The following MOGS variants were observed in gnomAD, a reference collection of about 807,000 sequenced individuals.
The protein encoded by MOGS is mannosyl-oligosaccharide glucosidase, also known as epididymis secretory sperm binding protein.
In MOGS, 45 loss-of-function variants were observed where a neutral mutation model predicts 68.5. The observed-to-expected ratio is 0.66, with a 90% CI of 0.52 to 0.84. The LOEUF (loss-of-function observed/expected upper bound fraction) is 0.84. MOGS is among the 40% of genes least tolerant of loss of function. MOGS has a pLI of 0.00. For missense variants in MOGS, 1,020 were observed against 1,095.0 expected (o/e 0.93, Z 0.97); for synonymous variants, 492 against 461.2 (o/e 1.07, Z -0.86).
In MOGS at chr2:74,462,578, T is replaced by C. The variant is rs1393756796; in HGVS notation, c.1211A>G (p.Tyr404Cys). Reference protein sequence around the residue: ...ALSGLLGGIGYFYGQGLVLPD... With the variant: ...ALSGLLGGIGCFYGQGLVLPD... ...CAATACCAGCCCTTGTCCGTAGAAG[T>C]AGCCAATTCCACCAAGGAGGCCGCT... Residue 404 changes from tyrosine to cysteine, a missense_variant, in exon 4 of 4, where the codon TAC becomes TGC. Tyr to Cys is a radical substitution (Grantham distance 194, BLOSUM62 -2). Coordinates refer to ENST00000448666, the MANE Select transcript of MOGS (RefSeq NM_006302.3). 2.5e-6 allele frequency: 4 copies of C among 1,613,580 alleles called. No individual in the cohort carries two copies. Among genetic ancestry groups the C allele is most frequent in the Admixed American group, 1.7e-5 (1 of 59,976 alleles).
Position 74,462,153 on chromosome 2 carries a change from A to G in MOGS, c.1636T>C (p.Ser546Pro). Residue 546 changes from serine (S) to proline (P), a missense_variant, in exon 4 of 4, where the codon TCC (serine) becomes CCC (proline). Coordinates refer to ENST00000448666, the MANE Select transcript of MOGS (RefSeq NM_006302.3). Reference protein sequence around the residue: ...KALPRLHAWFSWLHQSQAGPL... With the variant: ...KALPRLHAWFPWLHQSQAGPL... The stretch of plus-strand genomic sequence containing the variant: ...CCTGCCTGGCTCTGATGGAGCCAGG[A>G]AAACCAGGCATGCAGGCGGGGCAAG... 6.2e-7 allele frequency: 1 copy of G among 1,614,108 alleles called. No homozygotes were observed. Among genetic ancestry groups the G allele is most frequent in the Non-Finnish European group, 8.5e-7 (1 of 1,179,936 alleles).
At position 74,461,690 on chromosome 2, in the gene MOGS, C is replaced by T. The variant is rs771226355; in HGVS notation, c.2099G>A (p.Arg700Gln). The change falls in exon 4 of 4, where the codon CGA becomes CAA. Residue 700 changes from arginine to glutamine, a missense_variant. Transcript: ENST00000448666. ...GCGGGATGAGGTGGGGTCCAGCAGT[C>T]GCAGCAGCAAGGGAAAAAGACTGAC... The part of the protein sequence containing the change: ...GYVSLFPLLL[R>Q]LLDPTSSRLG... The T allele has an allele frequency of 1.5e-5, 24 of 1,614,180 alleles. No homozygotes were observed. The highest frequency in any genetic ancestry group is 2.2e-5 in the East Asian group (1 of 44,888).
At position 74,461,121 on chromosome 2, in the gene MOGS, G is replaced by T; in HGVS notation, c.*154C>A. 1.2e-6 allele frequency: 1 copy of T among 819,804 alleles called. No homozygotes were observed. The allele number at this position is 819,804 out of a possible 1,614,324, so 50.8% of individuals were successfully genotyped here. ...AGACTCTGGATTCACATTCACCCCA[G>T]GGCTATGTGGGATGACAGCAAGGAG... is the stretch of plus-strand genomic sequence containing the variant. On this transcript the variant is annotated 3_prime_UTR_variant, in exon 4 of 4. Transcript: ENST00000448666.
chr2:74,465,224 GCGC>G lies in MOGS; in HGVS notation c.21_23del (p.Arg9del). The G allele has an allele frequency of 6.9e-7, 1 of 1,450,206 alleles. No individual in the cohort carries two copies. Among genetic ancestry groups the G allele is most frequent in the South Asian group, 1.5e-5 (1 of 67,558 alleles). 89.8% of individuals were successfully genotyped at this position (1,450,206 alleles called of 1,614,324 possible). A position where few individuals can be genotyped will look rare whatever the true frequency, so the allele number is the denominator to read the frequency against. The stretch of plus-strand genomic sequence containing the variant: ...GCACTCCCTCTGCCGGCACTGCGCG[GCGC>G]CGCCGCTCGCCCCGAGCCATCCTGG... On this transcript the variant is annotated inframe_deletion, in exon 1 of 4. Coordinates refer to ENST00000448666, the MANE Select transcript of MOGS (RefSeq NM_006302.3).
Position 74,465,257 on chromosome 2 carries a change from G to T in MOGS, c.-10C>A. 7.0e-7 allele frequency: 1 copy of T among 1,430,742 alleles called. No homozygotes were observed. The allele number at this position is 1,430,742 out of a possible 1,614,324, so 88.6% of individuals were successfully genotyped here. ...GCTCGCCCCGAGCCATCCTGGCACT[G>T]AGGTCCGCGTCACAAGAGCTCGGAG... On this transcript the variant is annotated 5_prime_UTR_variant, in exon 1 of 4. Transcript: ENST00000448666.
Position 74,462,683 on chromosome 2 carries a change from C to T in MOGS, c.1106G>A (p.Arg369Lys). The T allele has an allele frequency of 6.2e-7, 1 of 1,614,248 alleles. No homozygotes were observed. Residue 369 changes from arginine (R) to lysine (K), a missense_variant, in exon 4 of 4, where the codon AGA becomes AAA. By Grantham distance (26) the Arg-to-Lys change is conservative. Transcript: ENST00000448666. ...QALESHAEGF[R>K]ERFEKTFQLK... is the part of the protein sequence containing the mutation. ...CTGGAAGGTCTTCTCAAAGCGCTCTCTAAAGCCTTCAGCATGGCTCTCCAG... is the reference window on the plus strand; with the variant it reads ...CTGGAAGGTCTTCTCAAAGCGCTCTTTAAAGCCTTCAGCATGGCTCTCCAG...
chr2:74,462,280 T>C lies in MOGS; in HGVS notation c.1509A>G (p.Leu503=). The change falls in exon 4 of 4, where the codon CTA becomes CTG. Residue 503 remains leucine (L), a synonymous_variant. Transcript: ENST00000448666. The part of the protein sequence containing the change: ...EARARVPPEF[L]VQRAVHANPP... The stretch of plus-strand genomic sequence containing the variant: ...GGTTGGCGTGGACTGCTCGTTGTAC[T>C]AGGAATTCTGGAGGCACCCGGGCTC... 1.2e-6 allele frequency: 2 copies of C among 1,613,886 alleles called. No individual in the cohort carries two copies. Among genetic ancestry groups the C allele is most frequent in the Non-Finnish European group, 1.7e-6 (2 of 1,179,992 alleles).
At chr2:74,464,364 T>C (rs758529609) in intron 2 of MOGS, 132 bp downstream of exon 2, 29 of 741,118 alleles carry the variant, frequency 3.9e-5, no homozygotes, top group Non-Finnish European at 6.3e-5. Context: ...TAAATAGAAA[T>C]GGTTATACAG....
Position 74,461,346 on chromosome 2 carries a change from G to A in MOGS, c.2443C>T (p.Arg815Ter), listed in dbSNP as rs748007212. Residue 815 changes from arginine to a stop codon, truncating the protein, a stop_gained, in exon 4 of 4, where the codon CGA (arginine) becomes TGA (stop). Transcript: ENST00000448666. LOFTEE classifies it high-confidence loss of function. The part of the protein sequence containing the change: ...LWEQYSDRDG[R>*]GMGCRPFHGW... ...TGGAAAGGGCGGCAGCCCATGCCTC[G>A]CCCATCGCGGTCACTGTACTGCTCC... 6.2e-6 allele frequency: 10 copies of A among 1,614,102 alleles called. No individual in the cohort carries two copies. Among genetic ancestry groups the A allele is most frequent in the East Asian group, 2.2e-5 (1 of 44,888 alleles).
chr2:74,463,491 GGTAAT>G (rs1671987027), intron 2 of MOGS, 105 bp from the exon 3 acceptor site: 3 of 1,221,492 alleles, frequency 2.5e-6, no homozygotes, highest in African/African-American at 1.5e-5. Flanking sequence ...AGTAGGCAGG[GGTAAT>G]GTAAACAACA....
Position 74,465,187 on chromosome 2 carries a change from T to G in MOGS, c.61A>C (p.Arg21=). Residue 21 remains arginine, a synonymous_variant, in exon 1 of 4, where the codon AGG becomes CGG. Transcript: ENST00000448666. ...VPAEGVRTAE[R]AARGGPGRRD... is the part of the protein sequence containing the mutation. ...CGCCCGGGGCCTCCCCGAGCCGCCC[T>G]CTCGGCTGTCCGCACTCCCTCTGCC... is the stretch of plus-strand genomic sequence containing the variant. The G allele has an allele frequency of 6.5e-7, 1 of 1,535,030 alleles. No individual in the cohort carries two copies. The highest frequency in any genetic ancestry group is 8.7e-7 in the Non-Finnish European group (1 of 1,149,504).
Position 74,461,879 on chromosome 2 carries a change from G to A in MOGS, c.1910C>T (p.Ala637Val). Residue 637 changes from alanine (A) to valine (V), a missense_variant, in exon 4 of 4, where the codon GCA becomes GTA. By Grantham distance (64) the Ala-to-Val change is moderately conservative. This residue lies in a region of MOGS where 270 missense variants were observed against 261.3 expected (regional missense o/e 1.03). Coordinates refer to ENST00000448666, the MANE Select transcript of MOGS (RefSeq NM_006302.3). ...CCAGTGCAGCTCATCCAGGCTCTCT[G>A]CTGCCTCCAGTGAGGCAGCCAGTGG... is the stretch of plus-strand genomic sequence containing the variant. ...LGPLAASLEA[A>V]ESLDELHWAP... 6.2e-7 allele frequency: 1 copy of A among 1,614,014 alleles called. No homozygotes were observed. The highest frequency in any genetic ancestry group is 8.5e-7 in the Non-Finnish European group (1 of 1,180,024).
chr2:74,461,374 A>G lies in MOGS; in HGVS notation c.2415T>C (p.Leu805=), dbSNP rs1265204379. 1 of 1,614,152 alleles carries G rather than the reference A, an allele frequency of 6.2e-7. No individual in the cohort carries two copies. Among genetic ancestry groups the G allele is most frequent in the Non-Finnish European group, 8.5e-7 (1 of 1,180,040 alleles). The stretch of plus-strand genomic sequence containing the variant: ...CATCGCGGTCACTGTACTGCTCCCA[A>G]AGAAAGCCTGTAGCCTGGTACTGGC... ...VWRQYQATGF[L]WEQYSDRDGR... is the part of the protein sequence containing the mutation. The change falls in exon 4 of 4, where the codon CTT becomes CTC. Residue 805 remains leucine (L), a synonymous_variant. Coordinates refer to ENST00000448666, the MANE Select transcript of MOGS (RefSeq NM_006302.3).
chr2:74,462,709 G>T lies in MOGS; in HGVS notation c.1080C>A (p.Ala360=). The T allele has an allele frequency of 1.9e-6, 3 of 1,614,234 alleles. No homozygotes were observed. The highest frequency in any genetic ancestry group is 2.5e-6 in the Non-Finnish European group (3 of 1,180,046). ...PRLAGSLLTQ[A]LESHAEGFRE... Reference sequence around the variant, plus strand: ...TAAAGCCTTCAGCATGGCTCTCCAGGGCCTGGGTCAGTAGACTGCCTGCCA... The same window carrying T: ...TAAAGCCTTCAGCATGGCTCTCCAGTGCCTGGGTCAGTAGACTGCCTGCCA... Residue 360 remains alanine (A), a synonymous_variant, in exon 4 of 4, where the codon GCC becomes GCA. Coordinates refer to ENST00000448666, the MANE Select transcript of MOGS (RefSeq NM_006302.3).
Position 74,462,681 on chromosome 2 carries a change from C to T in MOGS, c.1108G>A (p.Glu370Lys). Residue 370 changes from glutamate to lysine, a missense_variant, in exon 4 of 4, where the codon GAG becomes AAG. Physicochemically the swap from Glu to Lys is moderately conservative, Grantham distance 56 (BLOSUM62 1). This residue lies in a region of MOGS where 569 missense variants were observed against 571.9 expected (regional missense o/e 0.99). Coordinates refer to ENST00000448666, the MANE Select transcript of MOGS (RefSeq NM_006302.3). ...AGCTGGAAGGTCTTCTCAAAGCGCT[C>T]TCTAAAGCCTTCAGCATGGCTCTCC... ...ALESHAEGFR[E>K]RFEKTFQLKE... 1.9e-6 allele frequency: 3 copies of T among 1,614,262 alleles called. No individual in the cohort carries two copies.
Position 74,463,376 on chromosome 2 carries a change from G to A in MOGS, c.590C>T (p.Thr197Ile), listed in dbSNP as rs971120035. 38 of 1,614,064 alleles carry A rather than the reference G, an allele frequency of 2.4e-5. No individual in the cohort carries two copies. Among genetic ancestry groups the A allele is most frequent in the Admixed American group, 6.7e-5 (4 of 60,006 alleles). Reference protein sequence around the residue: ...RVTVEPQDSGTSALPLVSLFF... With the variant: ...RVTVEPQDSGISALPLVSLFF... ...CAGGGAGACCAAAGGGAGGGCAGAA[G>A]TACCTGAGTCCTGAGTGACCAACGA... is the stretch of plus-strand genomic sequence containing the variant. The change falls in exon 3 of 4, where the codon ACT becomes ATT. Residue 197 changes from threonine (T) to isoleucine (I), a missense_variant. This residue lies in a region of MOGS where 569 missense variants were observed against 571.9 expected (regional missense o/e 0.99). Transcript: ENST00000448666.
chr2:74,461,288 G>C lies in MOGS; in HGVS notation c.2501C>G (p.Ala834Gly). Reference sequence around the variant, plus strand: ...CTCTCCCTCCCTTCAGTAGTCTTCAGCCATGGCCAGTAAGACAAGGCTGGT... The same window carrying C: ...CTCTCCCTCCCTTCAGTAGTCTTCACCCATGGCCAGTAAGACAAGGCTGGT... The part of the protein sequence containing the change: ...GWTSLVLLAM[A>G]EDY Residue 834 changes from alanine (A) to glycine (G), a missense_variant, in exon 4 of 4, where the codon GCT becomes GGT. This residue lies in a region of MOGS where 270 missense variants were observed against 261.3 expected (regional missense o/e 1.03). Coordinates refer to ENST00000448666, the MANE Select transcript of MOGS (RefSeq NM_006302.3). 1 of 1,614,114 alleles carries C rather than the reference G, an allele frequency of 6.2e-7. No homozygotes were observed. The highest frequency in any genetic ancestry group is 2.2e-5 in the East Asian group (1 of 44,886).
intron 1 of MOGS, 69 bp from the exon 2 acceptor site, chr2:74,464,791 T>G: frequency 6.4e-7 from 1 of 1,561,186 alleles, no homozygotes. Flanking sequence ...GGGTCATCCC[T>G]CTTCATAACT....
At position 74,462,992 on chromosome 2, in the gene MOGS, G is replaced by A; in HGVS notation, c.797C>T (p.Ser266Phe). 1.2e-6 allele frequency: 2 copies of A among 1,614,092 alleles called. No individual in the cohort carries two copies. The highest frequency in any genetic ancestry group is 1.7e-6 in the Non-Finnish European group (2 of 1,180,040). The change falls in exon 4 of 4, where the codon TCC (serine) becomes TTC (phenylalanine). Residue 266 changes from serine to phenylalanine, a missense_variant. This residue lies in a region of MOGS where 569 missense variants were observed against 571.9 expected (regional missense o/e 0.99). Coordinates refer to ENST00000448666, the MANE Select transcript of MOGS (RefSeq NM_006302.3). ...KYGSYNVFWT[S>F]NPGLPLLTEM... is the part of the protein sequence containing the mutation. ...TGTCAGCAGGGGCAGTCCTGGGTTG[G>A]AGGTCCAGAAGACATTGTAGCTTGA...
Sources: allele counts gnomAD v4.1 joint callset, GRCh38; gene constraint gnomAD v4.1.1; regional missense constraint gnomAD v4.1.1; transcripts MANE v1.5; gene names NCBI Gene and HGNC (gene_info 2026-07-23, HGNC 2026-07-21).